The following LINGO2 variants were observed in gnomAD, a reference collection of about 807,000 sequenced individuals.
LINGO2 encodes leucine rich repeat and Ig domain containing 2, also known as leucine-rich repeat and immunoglobulin-like domain-containing nogo receptor-interacting protein 2.
LINGO2 carries 14 observed loss-of-function variants against 30.6 expected under a neutral mutation model. That is an observed-to-expected ratio of 0.46 (90% CI 0.30 to 0.72). LINGO2 has a LOEUF of 0.72. LINGO2 is among the 30% of genes least tolerant of loss of function. The probability of loss-of-function intolerance (pLI) is 0.07; values close to 1 mark genes in which losing one functional copy is unlikely to be tolerated. For synonymous variants in LINGO2, 317 were observed against 288.5 expected (o/e 1.10, Z -1.00); for missense variants, 729 against 751.7 (o/e 0.97, Z 0.35).
the LINGO2 span, among the ~76,000 whole-genome samples, chr9:28,963,880 G>A: frequency 6.6e-6 from 1 of 151,844 alleles, no homozygotes; most frequent in Non-Finnish European, 1.5e-5. Flanking sequence ...GGTGATTACA[G>A]TAACAATAAT....
chr9:28,694,076 C>A, the LINGO2 span, among the ~76,000 whole-genome samples: 2 of 151,614 alleles, frequency 1.3e-5, no homozygotes, highest in Non-Finnish European at 2.9e-5. Flanking sequence ...CTTCTGCGGT[C>A]CAGTTAAAAA....
At chr9:28,871,233 A>C in the LINGO2 span, among the ~76,000 whole-genome samples, 3 of 151,592 alleles carry the variant, frequency 2.0e-5, no homozygotes, top group African/African-American at 7.2e-5. Flanking sequence ...ATAATATATA[A>C]ATACTTTAAA....
At chr9:28,441,251 C>CTTTTTTTTTTTTTTTTTTT (rs72213590) in intron 2 of LINGO2, among the ~76,000 whole-genome samples, 1 of 36,286 alleles carries the variant, frequency 2.8e-5, no homozygotes, top group South Asian at 1.2e-3. Flanking sequence ...TCATTGGAGG[C>CTTTTTTTTTTTTTTTTTTT]TTTTTTTTTT....
chr9:29,197,449 C>T, the LINGO2 span, among the ~76,000 whole-genome samples: 1 of 151,852 alleles, frequency 6.6e-6, no homozygotes, highest in Non-Finnish European at 1.5e-5. Flanking sequence ...ATACTTGTTA[C>T]ATGAGGGACT....
At chr9:28,584,792 G>T (rs72715209) in intron 1 of LINGO2, among the ~76,000 whole-genome samples, 2,936 of 152,120 alleles carry the variant, frequency 0.019, 54 homozygotes, top group Admixed American at 0.03. Context: ...AAATTCATGA[G>T]AATGCTATTA....
intron 1 of LINGO2, among the ~76,000 whole-genome samples, chr9:28,546,588 C>A (rs1372290859): frequency 6.6e-6 from 1 of 152,018 alleles, no homozygotes; most frequent in Non-Finnish European, 1.5e-5. Context: ...TTCATTACAG[C>A]CAGCTCCTAC....
chr9:29,081,404 A>G, the LINGO2 span, among the ~76,000 whole-genome samples: 1 of 152,184 alleles, frequency 6.6e-6, no homozygotes, highest in Admixed American at 6.5e-5. Context: ...TAAACGCTCA[A>G]TAAATTAGGT....
chr9:28,637,735 G>A (rs1187698284), intron 1 of LINGO2, among the ~76,000 whole-genome samples: 4 of 152,090 alleles, frequency 2.6e-5, no homozygotes, highest in Admixed American at 6.6e-5. Context: ...AGACAATGGG[G>A]TTTTCTAGAT....
the LINGO2 span, among the ~76,000 whole-genome samples, chr9:28,848,065 A>G: frequency 3.7e-5 from 1 of 26,916 alleles, no homozygotes; most frequent in Non-Finnish European, 6.8e-5. Flanking sequence ...ATATATATGT[A>G]TATAATATAT....
intron 4 of LINGO2, among the ~76,000 whole-genome samples, chr9:28,151,914 T>A (rs1476361378): frequency 1.3e-5 from 2 of 152,150 alleles, no homozygotes; most frequent in African/African-American, 4.8e-5. Context: ...GACACCAATA[T>A]TTCCTACATT....
the LINGO2 span, among the ~76,000 whole-genome samples, chr9:28,885,487 TTATA>T: frequency 1.4e-5 from 2 of 145,924 alleles, no homozygotes; most frequent in African/African-American, 2.5e-5. Context: ...ATATACACGT[TTATA>T]TATATATATA....
At chr9:29,206,636 T>C in the LINGO2 span, among the ~76,000 whole-genome samples, 4 of 152,278 alleles carry the variant, frequency 2.6e-5, no homozygotes, top group South Asian at 6.2e-4. Flanking sequence ...AACTTTTGTA[T>C]TGTTATTTTG....
the LINGO2 span, among the ~76,000 whole-genome samples, chr9:29,135,944 C>A: frequency 6.6e-6 from 1 of 152,124 alleles, no homozygotes; most frequent in Non-Finnish European, 1.5e-5. Context: ...TCATAGCATG[C>A]GTCAGGAATT....
intron 4 of LINGO2, among the ~76,000 whole-genome samples, chr9:28,056,027 T>C (rs567354999): frequency 2.0e-5 from 3 of 152,066 alleles, no homozygotes; most frequent in Non-Finnish European, 4.4e-5. Flanking sequence ...AAATGAAAAC[T>C]TAAGACAAAA....
chr9:28,028,804 C>G (rs1197925), intron 4 of LINGO2, among the ~76,000 whole-genome samples: 3,487 of 152,002 alleles, frequency 0.023, 140 homozygotes, highest in African/African-American at 0.079. Flanking sequence ...GGATGAGAAT[C>G]CACAGATATG....
At chr9:28,952,391 T>C in the LINGO2 span, among the ~76,000 whole-genome samples, 2 of 152,310 alleles carry the variant, frequency 1.3e-5, no homozygotes, top group African/African-American at 4.8e-5. Context: ...CACTGTGATA[T>C]ACAGCTTTCA....
chr9:28,623,659 G>A (rs1826517707), intron 1 of LINGO2, among the ~76,000 whole-genome samples: 1 of 151,922 alleles, frequency 6.6e-6, no homozygotes, highest in Non-Finnish European at 1.5e-5. Context: ...TTTTGCTTAG[G>A]ATAGCTTTGG....
chr9:28,653,291 G>A (rs371660359), intron 1 of LINGO2, among the ~76,000 whole-genome samples: 1 of 152,164 alleles, frequency 6.6e-6, no homozygotes, highest in Non-Finnish European at 1.5e-5. Flanking sequence ...GTACCACCTG[G>A]AGCTAGGGGC....
At chr9:28,948,571 T>A in the LINGO2 span, among the ~76,000 whole-genome samples, 1 of 152,030 alleles carries the variant, frequency 6.6e-6, no homozygotes, top group South Asian at 2.1e-4. Flanking sequence ...CACTTAAAAG[T>A]CAAATTTATT....
Sources: gnomAD v4.1 joint callset for allele counts (sites outside exome capture counted in the v4.1 genomes callset) on GRCh38, gnomAD v4.1.1 for gene constraint, MANE v1.5 for transcripts, NCBI Gene and HGNC (gene_info 2026-07-23, HGNC 2026-07-21) for gene names.